Variants in PCDH15 observed in about 807,000 individuals in gnomAD.
PCDH15 encodes protocadherin related 15, also known as protocadherin-15.
In PCDH15, 129 loss-of-function variants were observed where a neutral mutation model predicts 178.5. That is an observed-to-expected ratio of 0.72 (90% CI 0.63 to 0.84). The LOEUF (loss-of-function observed/expected upper bound fraction) is 0.84. Among genes scored for constraint, PCDH15 ranks in the 40% least tolerant of loss-of-function variants. The pLI is 0.00. For missense variants in PCDH15, 2,230 were observed against 2,099.9 expected (o/e 1.06, Z -1.21); for synonymous variants, 800 against 732.0 (o/e 1.09, Z -1.50).
intron 20 of PCDH15, 109 bp downstream of exon 20, chr10:54,020,083 T>A: frequency 2.2e-6 from 2 of 898,846 alleles, no homozygotes; most frequent in Admixed American, 1.9e-5. Flanking sequence ...CTGGTACCAC[T>A]GTGTCATTAG....
intron 3 of PCDH15, among the ~76,000 whole-genome samples, chr10:54,815,329 T>G (rs1394184265): frequency 6.6e-6 from 1 of 152,086 alleles, no homozygotes; most frequent in African/African-American, 2.4e-5. Flanking sequence ...TTATCAAAAT[T>G]TGGGCACACA....
chr10:55,133,625 G>C (rs1564825213), intron 2 of PCDH15, among the ~76,000 whole-genome samples: 1 of 151,996 alleles, frequency 6.6e-6, no homozygotes, highest in African/African-American at 2.4e-5. Flanking sequence ...AAGTTTAATA[G>C]GTGTCTAGTA....
chr10:54,120,853 G>T (rs921735867), intron 15 of PCDH15, among the ~76,000 whole-genome samples: 2 of 152,026 alleles, frequency 1.3e-5, no homozygotes, highest in African/African-American at 4.8e-5. Context: ...GGGAGATCAA[G>T]ACCCCACTGA....
chr10:55,243,918 G>T (rs1332458052), intron 1 of PCDH15, among the ~76,000 whole-genome samples: 3 of 152,016 alleles, frequency 2.0e-5, no homozygotes, highest in Admixed American at 6.6e-5. Flanking sequence ...CTTGTCATTT[G>T]ACTCTGTAAA....
intron 6 of PCDH15, among the ~76,000 whole-genome samples, chr10:54,341,469 T>C (rs1341743441): frequency 2.6e-5 from 4 of 152,172 alleles, no homozygotes; most frequent in African/African-American, 9.7e-5. Flanking sequence ...TTCAGAACTG[T>C]GAGTCAGTTA....
At chr10:55,133,739 A>G (rs1296367369) in intron 2 of PCDH15, among the ~76,000 whole-genome samples, 2 of 152,138 alleles carry the variant, frequency 1.3e-5, no homozygotes, top group Non-Finnish European at 2.9e-5. Context: ...CAACTTCAGT[A>G]TTGCCATTGT....
intron 25 of PCDH15, among the ~76,000 whole-genome samples, chr10:53,923,036 A>G (rs2246768): frequency 0.75 from 113,785 of 151,992 alleles, 43,046 homozygotes; most frequent in East Asian, 1. Flanking sequence ...GCAGTGAGCC[A>G]AGATCGTGCC....
chr10:55,244,493 C>T (rs10509029), intron 1 of PCDH15, among the ~76,000 whole-genome samples: 18,641 of 151,736 alleles, frequency 0.12, 1,436 homozygotes, highest in Non-Finnish European at 0.17. Context: ...TTATGGAATT[C>T]GTATCTCTGA....
At chr10:54,432,310 A>C (rs1957064178) in intron 3 of PCDH15, among the ~76,000 whole-genome samples, 1 of 152,052 alleles carries the variant, frequency 6.6e-6, no homozygotes, top group Non-Finnish European at 1.5e-5. Context: ...GAGAAATCAC[A>C]TTACCTGGCT....
At chr10:55,521,072 T>C (rs549642004) in intron 2 of PCDH15, among the ~76,000 whole-genome samples, 14 of 152,072 alleles carry the variant, frequency 9.2e-5, no homozygotes, top group African/African-American at 3.1e-4. Flanking sequence ...AACTGTAAGT[T>C]TGGAACCTCT....
At chr10:54,310,691 T>C (rs2060847575) in intron 8 of PCDH15, among the ~76,000 whole-genome samples, 1 of 151,926 alleles carries the variant, frequency 6.6e-6, no homozygotes, top group Non-Finnish European at 1.5e-5. Flanking sequence ...AATCCCTATT[T>C]GAGGAAAAAT....
At chr10:55,052,444 A>T (rs1183111938) in intron 2 of PCDH15, among the ~76,000 whole-genome samples, 1 of 146,632 alleles carries the variant, frequency 6.8e-6, no homozygotes, top group African/African-American at 2.5e-5. Context: ...TTATGCCTGT[A>T]ATCCCAGCAC....
intron 1 of PCDH15, among the ~76,000 whole-genome samples, chr10:55,193,288 T>C (rs760625727): frequency 6.6e-6 from 1 of 151,944 alleles, no homozygotes. Context: ...AATTTCAATA[T>C]GAAACTGTAA....
At chr10:55,372,741 G>A (rs1399306411) in intron 2 of PCDH15, among the ~76,000 whole-genome samples, 2 of 152,044 alleles carry the variant, frequency 1.3e-5, no homozygotes, top group Non-Finnish European at 2.9e-5. Context: ...TATCACCAGG[G>A]CCTCTTATGA....
chr10:53,925,174 A>C lies in PCDH15; in HGVS notation c.3373+13641T>G, dbSNP rs529149229. On this transcript the variant is annotated intron_variant, in intron 25 of 37. Coordinates refer to ENST00000644397, the MANE Select transcript of PCDH15 (RefSeq NM_001384140.1). ...TTTGGAATAAATCTTGCTGCTGCTC[A>C]CTCTTTGGTTCCACGCTGCCTTTAT... 1.5e-4 allele frequency among the ~76,000 whole-genome samples: 23 copies of C among 151,628 alleles called. 2 individuals carry two copies. The South Asian group carries it at 4.8e-3, about 32-fold the overall frequency.
At chr10:55,170,181 ACTCT>A (rs929856953) in intron 1 of PCDH15, among the ~76,000 whole-genome samples, 1 of 151,818 alleles carries the variant, frequency 6.6e-6, no homozygotes, top group African/African-American at 2.4e-5. Context: ...TGTCTCACTC[ACTCT>A]GTGACCCAGG....
chr10:55,327,526 T>C (rs975155339), intron 2 of PCDH15, among the ~76,000 whole-genome samples: 2 of 152,052 alleles, frequency 1.3e-5, no homozygotes, highest in African/African-American at 4.8e-5. Context: ...TCATCACACA[T>C]TAATTCTTGG....
intron 2 of PCDH15, chr10:55,599,191 G>A (rs1209710824): frequency 6.6e-6 from 1 of 152,124 alleles, no homozygotes; most frequent in African/African-American, 2.4e-5. Flanking sequence ...AATCAGAGGA[G>A]CTTCTCCAGA....
intron 25 of PCDH15, among the ~76,000 whole-genome samples, chr10:53,905,638 A>G (rs746116149): frequency 3.3e-5 from 5 of 152,066 alleles, no homozygotes; most frequent in Admixed American, 1.3e-4. Context: ...TGCCTGGCCG[A>G]CAATTCTTAA....
Sources: gnomAD v4.1 joint callset for allele counts (sites outside exome capture counted in the v4.1 genomes callset) on GRCh38, gnomAD v4.1.1 for gene constraint, MANE v1.5 for transcripts, NCBI Gene and HGNC (gene_info 2026-07-23, HGNC 2026-07-21) for gene names.